ARB2A: variants seen among roughly 807,000 people sequenced by gnomAD.
The protein encoded by ARB2A is ARB2 cotranscriptional regulator A, also known as cotranscriptional regulator ARB2A.
At chr5:93,925,568 C>T in the ARB2A span, among the ~76,000 whole-genome samples, 1 of 152,102 alleles carries the variant, frequency 6.6e-6, no homozygotes, top group African/African-American at 2.4e-5. Flanking sequence ...TAGGATGGCA[C>T]AAGATTTCCT....
At chr5:93,995,383 C>T in the ARB2A span, among the ~76,000 whole-genome samples, 4 of 152,094 alleles carry the variant, frequency 2.6e-5, no homozygotes, top group Non-Finnish European at 5.9e-5. Context: ...CCATGGGACC[C>T]GTACAAAGTG....
chr5:93,949,831 C>T, the ARB2A span, among the ~76,000 whole-genome samples: 3 of 152,108 alleles, frequency 2.0e-5, no homozygotes, highest in African/African-American at 7.2e-5. Context: ...CATCATTCCA[C>T]TCTCTATCTC....
At chr5:93,781,820 G>T in the ARB2A span, 4 of 895,960 alleles carry the variant, frequency 4.5e-6, no homozygotes, top group Non-Finnish European at 5.3e-6. Flanking sequence ...CCACTTACAT[G>T]TATCACATTA....
the ARB2A span, among the ~76,000 whole-genome samples, chr5:93,779,282 C>T: frequency 7.2e-5 from 11 of 152,092 alleles, no homozygotes; most frequent in Admixed American, 6.5e-4. Context: ...TATCTAAATT[C>T]AATCTGTCTG....
chr5:93,944,137 T>C, the ARB2A span, among the ~76,000 whole-genome samples: 2 of 152,192 alleles, frequency 1.3e-5, no homozygotes, highest in Non-Finnish European at 2.9e-5. Context: ...AGAATTTGGT[T>C]ATATATAAAT....
chr5:93,948,656 G>A, the ARB2A span, among the ~76,000 whole-genome samples: 1 of 152,138 alleles, frequency 6.6e-6, no homozygotes, highest in African/African-American at 2.4e-5. Context: ...TAACGTTTAA[G>A]TCTTTAATCC....
the ARB2A span, among the ~76,000 whole-genome samples, chr5:93,962,040 C>A: frequency 6.6e-6 from 1 of 152,104 alleles, no homozygotes; most frequent in African/African-American, 2.4e-5. Context: ...AAAATAATTT[C>A]TTCTTCATTA....
At chr5:94,063,423 A>G in the ARB2A span, among the ~76,000 whole-genome samples, 1 of 152,258 alleles carries the variant, frequency 6.6e-6, no homozygotes, top group Admixed American at 6.5e-5. Flanking sequence ...CTCAGAACTC[A>G]GAGGTTAGTC....
the ARB2A span, among the ~76,000 whole-genome samples, chr5:93,760,561 T>C: frequency 1.3e-5 from 2 of 152,092 alleles, no homozygotes; most frequent in Admixed American, 1.3e-4. Flanking sequence ...GGCACATAGA[T>C]CAATGGAACA....
At chr5:93,818,458 A>C in the ARB2A span, among the ~76,000 whole-genome samples, 1 of 152,218 alleles carries the variant, frequency 6.6e-6, no homozygotes, top group Non-Finnish European at 1.5e-5. Flanking sequence ...TGATAAAAGT[A>C]TGTAAAATTT....
At chr5:93,732,429 G>A in the ARB2A span, among the ~76,000 whole-genome samples, 37 of 151,964 alleles carry the variant, frequency 2.4e-4, no homozygotes, top group Non-Finnish European at 2.2e-4. Context: ...AATGATTTGG[G>A]CTTACATTAT....
the ARB2A span, among the ~76,000 whole-genome samples, chr5:93,893,201 G>A: frequency 3.9e-5 from 6 of 152,144 alleles, no homozygotes; most frequent in South Asian, 2.1e-4. Context: ...TGCCACTGCC[G>A]AGATCAAAAC....
the ARB2A span, among the ~76,000 whole-genome samples, chr5:94,008,561 A>G: frequency 6.6e-6 from 1 of 152,176 alleles, no homozygotes. Flanking sequence ...TCTGTGATGA[A>G]TTATATTCTA....
chr5:94,004,448 G>A, the ARB2A span, among the ~76,000 whole-genome samples: 1,724 of 152,062 alleles, frequency 0.011, 27 homozygotes, highest in African/African-American at 0.039. Flanking sequence ...CAGGCATTGT[G>A]GCAGGCGCCT....
the ARB2A span, among the ~76,000 whole-genome samples, chr5:94,026,400 G>C: frequency 6.6e-6 from 1 of 151,944 alleles, no homozygotes; most frequent in East Asian, 1.9e-4. Context: ...GACAATTGAA[G>C]GGCGATGAGG....
the ARB2A span, among the ~76,000 whole-genome samples, chr5:94,031,771 C>T: frequency 6.6e-6 from 1 of 152,240 alleles, no homozygotes; most frequent in African/African-American, 2.4e-5. Context: ...ATGTCTGCTT[C>T]CTGAATTCCA....
the ARB2A span, among the ~76,000 whole-genome samples, chr5:94,006,481 G>T: frequency 6.6e-6 from 1 of 152,100 alleles, no homozygotes; most frequent in African/African-American, 2.4e-5. Flanking sequence ...CAACATTCTG[G>T]ATATGATGTT....
At chr5:93,859,375 C>T in the ARB2A span, among the ~76,000 whole-genome samples, 15 of 150,228 alleles carry the variant, frequency 1.0e-4, no homozygotes, top group African/African-American at 3.4e-4. Context: ...TAACTCTAGA[C>T]AGAATATAAA....
the ARB2A span, chr5:93,743,645 CA>C: frequency 2.0e-6 from 1 of 495,164 alleles, no homozygotes; most frequent in Non-Finnish European, 2.6e-6. Context: ...CTAAGGTCCA[CA>C]TACTGAAAAC....
Sources: allele counts gnomAD v4.1 joint callset (sites outside exome capture counted in the v4.1 genomes callset), GRCh38; gene constraint gnomAD v4.1.1; transcripts MANE v1.5; gene names NCBI Gene and HGNC (gene_info 2026-07-23, HGNC 2026-07-21).